ARID1A: variants seen among roughly 807,000 people sequenced by gnomAD.
ARID1A encodes the protein AT-rich interaction domain 1A.
A neutral mutation model predicts 212.6 loss-of-function variants in ARID1A; 20 were observed. The observed-to-expected ratio is 0.09, with a 90% confidence interval of 0.07 to 0.14. The LOEUF is 0.14. Ranked by LOEUF, ARID1A falls within the 10% of genes least tolerant of loss-of-function variation. The pLI is 1.00. For synonymous variants in ARID1A, 1,376 were observed against 1,222.1 expected, an observed-to-expected ratio of 1.13 and a Z score of -2.63; for missense variants, 2,587 against 3,059.0, an observed-to-expected ratio of 0.85 and a Z score of 3.64.
intron 1 of ARID1A, among the ~76,000 whole-genome samples, chr1:26,726,560 C>T (rs2080621482): frequency 6.6e-6 from 1 of 152,150 alleles, no homozygotes; most frequent in Non-Finnish European, 1.5e-5. Context: ...TTTTTTTCTA[C>T]CTTCAAAGTC....
chr1:26,771,530 A>G lies in ARID1A; in HGVS notation c.3406+204A>G. On this transcript the variant is annotated intron_variant, in intron 12 of 19. Coordinates refer to ENST00000324856, the MANE Select transcript of ARID1A (RefSeq NM_006015.6). The surrounding 1 kb of genome is among the most constrained non-coding windows in gnomAD (Gnocchi z 5.4). ...GGGAGGTACTCTACGGCAGCTCTTAAGTTTTAATTTTTGTTGTGCAGCTGA... is the reference window on the plus strand; with the variant it reads ...GGGAGGTACTCTACGGCAGCTCTTAGGTTTTAATTTTTGTTGTGCAGCTGA... 1 of 594,062 alleles carries G rather than the reference A, an allele frequency of 1.7e-6. No homozygotes were observed. Among genetic ancestry groups the G allele is most frequent in the Non-Finnish European group, 2.9e-6 (1 of 340,846 alleles). The allele number at this position is 594,062 out of a possible 1,614,324, so 36.8% of individuals were successfully genotyped here.
intron 4 of ARID1A, among the ~76,000 whole-genome samples, chr1:26,756,513 A>G (rs1187356466): frequency 6.7e-6 from 1 of 150,242 alleles, no homozygotes; most frequent in Non-Finnish European, 1.5e-5. Context: ...CCAAGATTAT[A>G]CCACTGCCCT....
Position 26,771,415 on chromosome 1 carries a change from C to A in ARID1A, c.3406+89C>A. ...GGATATGAATAAGAGGCTTATCCAA[C>A]AGGATATGCCAAGGATCTGTGCTCT... On this transcript the variant is annotated intron_variant, in intron 12 of 19. Transcript: ENST00000324856. The surrounding 1 kb of genome is among the most constrained non-coding windows in gnomAD (Gnocchi z 5.4). 1 of 1,333,044 alleles carries A rather than the reference C, an allele frequency of 7.5e-7. No individual in the cohort carries two copies. Among genetic ancestry groups the A allele is most frequent in the Non-Finnish European group, 1.0e-6 (1 of 955,376 alleles). The allele number at this position is 1,333,044 out of a possible 1,614,324, so 82.6% of individuals were successfully genotyped here.
In ARID1A at chr1:26,779,203, C is replaced by G. The variant is rs1557619767; in HGVS notation, c.5305C>G (p.Leu1769Val). 1.9e-6 allele frequency: 3 copies of G among 1,611,964 alleles called. No homozygotes were observed. Among genetic ancestry groups the G allele is most frequent in the Admixed American group, 1.7e-5 (1 of 59,824 alleles). ...MEGGEEEEEL[L>V]GPKLEEEEEE... ...GGGTGGGGAAGAAGAAGAAGAACTT[C>G]TAGGTCCTAAACTAGAAGAGGAAGA... Residue 1769 changes from leucine to valine, a missense_variant, in exon 20 of 20, where the codon CTA becomes GTA. Leu to Val is a conservative substitution (Grantham distance 32). This residue lies in a region of ARID1A where 890 missense variants were observed against 1,098.2 expected (regional missense o/e 0.81). Coordinates refer to ENST00000324856, the MANE Select transcript of ARID1A (RefSeq NM_006015.6).
chr1:26,773,572 T>G lies in ARID1A; in HGVS notation c.3867-8T>G, dbSNP rs759655912. 14 of 1,614,164 alleles carry G rather than the reference T, an allele frequency of 8.7e-6. No homozygotes were observed. The South Asian group carries it at 1.5e-4, about 18-fold the overall frequency. ...GTGGGCTCAATCTGCCTCTCCAATT[T>G]TGTTTAGGACGGAGCCTGGAATAGG... On this transcript the variant is annotated splice_polypyrimidine_tract_variant and splice_region_variant and intron_variant, in intron 15 of 19. Coordinates refer to ENST00000324856, the MANE Select transcript of ARID1A (RefSeq NM_006015.6).
In ARID1A at chr1:26,774,724, G is replaced by A. The variant is rs762663996; in HGVS notation, c.4497G>A (p.Gln1499=). 2.7e-5 allele frequency: 43 copies of A among 1,614,248 alleles called. No individual in the cohort carries two copies. Among genetic ancestry groups the A allele is most frequent in the Middle Eastern group, 1.6e-4 (1 of 6,062 alleles). The change falls in exon 18 of 20, where the codon CAG becomes CAA. Residue 1499 remains glutamine (Q), a synonymous_variant. Coordinates refer to ENST00000324856, the MANE Select transcript of ARID1A (RefSeq NM_006015.6). The surrounding 1 kb of genome is among the most constrained non-coding windows in gnomAD (Gnocchi z 5.6). The part of the protein sequence containing the change: ...AEVAQQGTMW[Q]GRNDMTYNYA... Reference sequence around the variant, plus strand: ...TTGCTCAGCAAGGCACCATGTGGCAGGGGCGTAATGACATGACCTATAATT... The same window carrying A: ...TTGCTCAGCAAGGCACCATGTGGCAAGGGCGTAATGACATGACCTATAATT...
At chr1:26,728,023 T>G (rs2080634652) in intron 1 of ARID1A, 1 of 152,218 alleles carries the variant, frequency 6.6e-6, no homozygotes, top group Admixed American at 6.5e-5. Flanking sequence ...AAAATTATGA[T>G]AGGGAACATT....
intron 7 of ARID1A, 144 bp from the exon 8 acceptor site, chr1:26,762,829 T>G: frequency 1.1e-6 from 1 of 871,476 alleles, no homozygotes; most frequent in Non-Finnish European, 1.7e-6. Context: ...CCCCCCCTTT[T>G]TCTCATGGCG....
At chr1:26,712,086 A>AG (rs2080459985) in intron 1 of ARID1A, among the ~76,000 whole-genome samples, 1 of 151,026 alleles carries the variant, frequency 6.6e-6, no homozygotes, top group South Asian at 2.1e-4. Flanking sequence ...GTCTATATAC[A>AG]GAAAAAAAAA....
At chr1:26,762,066 A>G in intron 6 of ARID1A, 86 bp from the exon 7 acceptor site, 1 of 1,403,798 alleles carries the variant, frequency 7.1e-7, no homozygotes, top group Non-Finnish European at 9.6e-7. Flanking sequence ...AAGAAAATGT[A>G]GATGGTAAAG....
chr1:26,705,004 C>G (rs920314591), intron 1 of ARID1A, among the ~76,000 whole-genome samples: 1 of 152,078 alleles, frequency 6.6e-6, no homozygotes, highest in Non-Finnish European at 1.5e-5. Flanking sequence ...GTGGTTGGGC[C>G]TTGGCACTTC....
chr1:26,718,614 T>C (rs560499827), intron 1 of ARID1A, among the ~76,000 whole-genome samples: 29 of 152,224 alleles, frequency 1.9e-4, no homozygotes, highest in Non-Finnish European at 3.4e-4. Context: ...CATTCTCCTG[T>C]ATACGTTAAA....
chr1:26,715,810 C>T (rs886516890), intron 1 of ARID1A, among the ~76,000 whole-genome samples: 6 of 151,874 alleles, frequency 4.0e-5, no homozygotes, highest in African/African-American at 1.4e-4. Context: ...GAGTTCCAGG[C>T]CAGCCTGGGC....
chr1:26,697,428 C>G lies in ARID1A; in HGVS notation c.1025C>G (p.Ala342Gly). 1.5e-6 allele frequency: 2 copies of G among 1,349,448 alleles called. No individual in the cohort carries two copies. The highest frequency in any genetic ancestry group is 1.9e-6 in the Non-Finnish European group (2 of 1,061,548). The allele number at this position is 1,349,448 out of a possible 1,614,324, so 83.6% of individuals were successfully genotyped here. The change falls in exon 1 of 20, where the codon GCG becomes GGG. Residue 342 changes from alanine (A) to glycine (G), a missense_variant. This residue lies in a region of ARID1A where 735 missense variants were observed against 590.6 expected (regional missense o/e 1.24). Transcript: ENST00000324856. ...MASQCWGAAA[A>G]AAAAAAASGG... ...TCGCAGTGTTGGGGGGCTGCGGCGG[C>G]GGCAGCTGCGGCGGCGGCCGCCTCG...
intron 4 of ARID1A, among the ~76,000 whole-genome samples, chr1:26,744,383 G>C (rs563108397): frequency 6.6e-6 from 1 of 152,090 alleles, no homozygotes; most frequent in Non-Finnish European, 1.5e-5. Context: ...TGTTTCCTTC[G>C]GAACAGCCTC....
intron 1 of ARID1A, among the ~76,000 whole-genome samples, chr1:26,709,013 C>T (rs2080423021): frequency 6.6e-6 from 1 of 152,004 alleles, no homozygotes; most frequent in Non-Finnish European, 1.5e-5. Flanking sequence ...TCTTAATTTG[C>T]CACTTGGGGG....
chr1:26,727,329 T>G (rs1006056773), intron 1 of ARID1A, among the ~76,000 whole-genome samples: 3 of 152,212 alleles, frequency 2.0e-5, no homozygotes, highest in Non-Finnish European at 2.9e-5. Context: ...TGGAAGTGAT[T>G]TGGGAACAGC....
At chr1:26,746,774 C>T (rs1184541214) in intron 4 of ARID1A, among the ~76,000 whole-genome samples, 1 of 152,196 alleles carries the variant, frequency 6.6e-6, no homozygotes, top group Admixed American at 6.5e-5. Context: ...CGGTGGCTCA[C>T]GCCTGTAATC....
intron 1 of ARID1A, among the ~76,000 whole-genome samples, chr1:26,726,575 C>A (rs932964712): frequency 6.6e-6 from 1 of 152,196 alleles, no homozygotes; most frequent in South Asian, 2.1e-4. Context: ...AAAGTCATAA[C>A]CCCTGTGTTA....
Sources: allele counts gnomAD v4.1 joint callset (sites outside exome capture counted in the v4.1 genomes callset), GRCh38; gene constraint gnomAD v4.1.1; regional missense constraint gnomAD v4.1.1; non-coding constraint Gnocchi (gnomAD v3.1); transcripts MANE v1.5; gene names NCBI Gene and HGNC (gene_info 2026-07-23, HGNC 2026-07-21).